The following SYN2 variants were observed in gnomAD, a reference collection of about 807,000 sequenced individuals.
SYN2 encodes the protein synapsin-2.
In SYN2, 19 loss-of-function variants were observed where a neutral mutation model predicts 50.9. The observed-to-expected ratio is 0.37, with a 90% CI of 0.26 to 0.55. The LOEUF is 0.55. Among genes scored for constraint, SYN2 ranks in the 20% least tolerant of loss-of-function variants. SYN2 has a pLI of 0.81. For synonymous variants in SYN2, 255 were observed against 224.9 expected, an observed-to-expected ratio of 1.13 and a Z score of -1.20; for missense variants, 587 against 576.4, an observed-to-expected ratio of 1.02 and a Z score of -0.19.
chr3:12,013,834 C>T (rs184393383), intron 1 of SYN2, among the ~76,000 whole-genome samples: 2 of 152,224 alleles, frequency 1.3e-5, no homozygotes, highest in African/African-American at 4.8e-5. Flanking sequence ...CTTCTCCTGC[C>T]GTCTCTAATT....
At chr3:12,103,491 C>T (rs1696118706) in intron 1 of SYN2, among the ~76,000 whole-genome samples, 1 of 152,168 alleles carries the variant, frequency 6.6e-6, no homozygotes, top group Non-Finnish European at 1.5e-5. Context: ...ATTCCAAAGC[C>T]TTGCATCTCA....
At chr3:12,154,595 T>A in intron 5 of SYN2, 2 of 767,116 alleles carry the variant, frequency 2.6e-6, no homozygotes, top group Non-Finnish European at 4.2e-6. Flanking sequence ...AAGGGACCAA[T>A]AAATAAAACT....
chr3:12,058,657 A>G lies in SYN2; in HGVS notation c.377+53729A>G, dbSNP rs1414448579. On this transcript the variant is annotated intron_variant, in intron 1 of 12. Transcript: ENST00000621198. ...GGGAATATGAAAGCAGTGCTGGAAC[A>G]GGGGGAGAGGGATGGGCAGAGAAAA... Among the ~76,000 whole-genome samples the G allele has an allele frequency of 3.9e-5, 6 of 152,232 alleles. No individual in the cohort carries two copies. The East Asian group carries it at 1.2e-3, about 29-fold the overall frequency.
At chr3:12,090,335 C>T (rs1005892220) in intron 1 of SYN2, among the ~76,000 whole-genome samples, 4 of 151,392 alleles carry the variant, frequency 2.6e-5, no homozygotes, top group Admixed American at 1.3e-4. Context: ...AATGTATAAA[C>T]GAAACAGGTC....
intron 1 of SYN2, among the ~76,000 whole-genome samples, chr3:12,066,563 TG>T (rs1176344606): frequency 6.6e-6 from 1 of 152,202 alleles, no homozygotes; most frequent in Non-Finnish European, 1.5e-5. Context: ...AATATTTGCA[TG>T]GCTACTAAGT....
At chr3:12,124,936 C>T (rs560756910) in intron 1 of SYN2, among the ~76,000 whole-genome samples, 1 of 152,102 alleles carries the variant, frequency 6.6e-6, no homozygotes, top group East Asian at 1.9e-4. Context: ...AGCAAATAAA[C>T]AAGTATGTTA....
rs550306887 is a variant in SYN2, at chr3:12,172,861, A to G, written c.1308+2955A>G. Among the ~76,000 whole-genome samples the G allele has an allele frequency of 1.7e-3, 256 of 152,328 alleles. 1 individual carries two copies. Among genetic ancestry groups the G allele is most frequent in the African/African-American group, 5.9e-3 (244 of 41,574 alleles). ...CCAGAATTCTCTTAGGGAAAAGCCA[A>G]ATTCTTTACTATACACATGATTAAG... On this transcript the variant is annotated intron_variant, in intron 10 of 12. Coordinates refer to ENST00000621198, the MANE Select transcript of SYN2 (RefSeq NM_133625.6).
chr3:12,054,218 T>C (rs1026145023), intron 1 of SYN2, among the ~76,000 whole-genome samples: 1 of 152,194 alleles, frequency 6.6e-6, no homozygotes, highest in Admixed American at 6.5e-5. Flanking sequence ...AAAGGGGCTC[T>C]ATCTGTTGAT....
At chr3:12,065,144 C>A (rs151052552) in intron 1 of SYN2, among the ~76,000 whole-genome samples, 11 of 152,010 alleles carry the variant, frequency 7.2e-5, no homozygotes, top group African/African-American at 2.7e-4. Flanking sequence ...ATAAAAATTT[C>A]AATAAGGTAC....
chr3:12,020,818 C>G (rs1694118561), intron 1 of SYN2, among the ~76,000 whole-genome samples: 1 of 152,194 alleles, frequency 6.6e-6, no homozygotes, highest in Non-Finnish European at 1.5e-5. Flanking sequence ...AAACATTGCC[C>G]TGTCTTCACA....
intron 1 of SYN2, among the ~76,000 whole-genome samples, chr3:12,133,744 A>G (rs963324533): frequency 3.9e-5 from 6 of 152,220 alleles, no homozygotes; most frequent in African/African-American, 1.4e-4. Flanking sequence ...GGCATATCTG[A>G]CTGTATGATC....
chr3:12,156,947 T>A (rs1298668873), intron 5 of SYN2: 1 of 1,602,338 alleles, frequency 6.2e-7, no homozygotes. Context: ...GACAGGCAAT[T>A]ACAAAAAAAG....
chr3:12,034,966 C>G (rs1022521219), intron 1 of SYN2, among the ~76,000 whole-genome samples: 3 of 152,152 alleles, frequency 2.0e-5, no homozygotes, highest in Non-Finnish European at 4.4e-5. Context: ...GGGTGAGACT[C>G]AAGGCACAGT....
chr3:12,104,628 G>A (rs190990082), intron 1 of SYN2, among the ~76,000 whole-genome samples: 2 of 125,472 alleles, frequency 1.6e-5, no homozygotes, highest in Non-Finnish European at 3.1e-5. Context: ...AGGCTGGAGT[G>A]CGGTGGAGCG....
intron 8 of SYN2, among the ~76,000 whole-genome samples, chr3:12,167,607 T>A (rs1697834781): frequency 6.6e-6 from 1 of 152,184 alleles, no homozygotes; most frequent in South Asian, 2.1e-4. Context: ...TAAACCTTTT[T>A]TTTTTTTATA....
At chr3:12,100,429 C>G (rs926524076) in intron 1 of SYN2, among the ~76,000 whole-genome samples, 5 of 152,144 alleles carry the variant, frequency 3.3e-5, no homozygotes, top group South Asian at 2.1e-4. Context: ...TGCATATTCA[C>G]ATGCAAAAGA....
intron 1 of SYN2, among the ~76,000 whole-genome samples, chr3:12,061,768 A>G (rs1695117227): frequency 6.6e-6 from 1 of 151,990 alleles, no homozygotes; most frequent in Non-Finnish European, 1.5e-5. Flanking sequence ...AAACACTACC[A>G]TTTACAACAG....
At chr3:12,008,620 T>A (rs1302810069) in intron 1 of SYN2, among the ~76,000 whole-genome samples, 1 of 152,192 alleles carries the variant, frequency 6.6e-6, no homozygotes, top group African/African-American at 2.4e-5. Context: ...GTGCTAAGGG[T>A]ATGGCAATAA....
rs1185080050 is a variant in SYN2 at position 12,161,541 on chromosome 3, T to C, written c.775-5T>C. 6.2e-7 allele frequency: 1 copy of C among 1,613,992 alleles called. No homozygotes were observed. Among genetic ancestry groups the C allele is most frequent in the Non-Finnish European group, 8.5e-7 (1 of 1,179,888 alleles). ...ACAGTTTATTCATTTCTCTTCTGATTTCAGCTGACACTGCCCACGTTCCCT... is the reference window on the plus strand; with the variant it reads ...ACAGTTTATTCATTTCTCTTCTGATCTCAGCTGACACTGCCCACGTTCCCT... On this transcript the variant is annotated splice_polypyrimidine_tract_variant and splice_region_variant and intron_variant, in intron 5 of 12. Transcript: ENST00000621198.
Sources: gnomAD v4.1 joint callset for allele counts (sites outside exome capture counted in the v4.1 genomes callset) on GRCh38, gnomAD v4.1.1 for gene constraint, MANE v1.5 for transcripts, NCBI Gene and HGNC (gene_info 2026-07-23, HGNC 2026-07-21) for gene names.